The following CAMK2B variants were observed in gnomAD, a reference collection of about 807,000 sequenced individuals.
CAMK2B encodes the protein calcium/calmodulin dependent protein kinase II beta, also known as calcium/calmodulin-dependent protein kinase type II subunit beta.
CAMK2B carries 27 observed loss-of-function variants against 93.7 expected under a neutral mutation model. The ratio of observed to expected loss-of-function variants is 0.29; its 90% CI spans 0.21 to 0.40. CAMK2B has a LOEUF of 0.40. Among genes scored for constraint, CAMK2B ranks in the 10% least tolerant of loss-of-function variants. The probability of loss-of-function intolerance (pLI) is 1.00; values close to 1 mark genes in which losing one functional copy is unlikely to be tolerated. For synonymous variants in CAMK2B, 374 were observed against 358.8 expected (o/e 1.04, Z -0.48); for missense variants, 568 against 895.8 (o/e 0.63, Z 4.67).
At chr7:44,254,242 C>CA (rs2096810732) in intron 5 of CAMK2B, among the ~76,000 whole-genome samples, 1 of 152,228 alleles carries the variant, frequency 6.6e-6, no homozygotes, top group Admixed American at 6.5e-5. Context: ...CCTGAGGGTC[C>CA]ACGGGAAGCC....
At chr7:44,228,588 G>A (rs980951351) in intron 19 of CAMK2B, among the ~76,000 whole-genome samples, 4 of 152,108 alleles carry the variant, frequency 2.6e-5, no homozygotes, top group Non-Finnish European at 5.9e-5. Flanking sequence ...GAGCCGTGGA[G>A]GGGTCTGGGC....
At chr7:44,317,144 C>A (rs551911904) in intron 1 of CAMK2B, among the ~76,000 whole-genome samples, 1 of 151,392 alleles carries the variant, frequency 6.6e-6, no homozygotes, top group East Asian at 1.9e-4. Flanking sequence ...GGCAACCAGA[C>A]TTGCTGAATA....
chr7:44,309,684 C>T (rs1792954565), intron 1 of CAMK2B, among the ~76,000 whole-genome samples: 1 of 152,224 alleles, frequency 6.6e-6, no homozygotes, highest in Non-Finnish European at 1.5e-5. Flanking sequence ...AGCCTCCTCG[C>T]CCGGGCAGGA....
intron 12 of CAMK2B, among the ~76,000 whole-genome samples, chr7:44,240,299 G>A (rs1036818739): frequency 5.3e-5 from 8 of 152,162 alleles, no homozygotes; most frequent in East Asian, 3.9e-4. Flanking sequence ...GGAGGCCCCC[G>A]AGCCTCCCGC....
At chr7:44,278,432 A>T (rs1252985481) in intron 2 of CAMK2B, among the ~76,000 whole-genome samples, 1 of 152,102 alleles carries the variant, frequency 6.6e-6, no homozygotes. Flanking sequence ...CAGGACATTC[A>T]CCTGGAGGTG....
intron 1 of CAMK2B, among the ~76,000 whole-genome samples, chr7:44,285,915 C>T (rs1784964203): frequency 1.3e-5 from 2 of 151,312 alleles, no homozygotes; most frequent in Admixed American, 1.3e-4. Context: ...TCACTGTTCA[C>T]TCCGCATTCT....
At chr7:44,227,100 G>A (rs1427670651) in intron 19 of CAMK2B, among the ~76,000 whole-genome samples, 2 of 2,292 alleles carry the variant, frequency 8.7e-4, no homozygotes, top group African/African-American at 4.0e-3. Context: ...AGGGGACCAA[G>A]GTGGATGTGG....
At chr7:44,235,956 G>C (rs2096621750) in intron 13 of CAMK2B, among the ~76,000 whole-genome samples, 1 of 152,150 alleles carries the variant, frequency 6.6e-6, no homozygotes, top group Admixed American at 6.5e-5. Flanking sequence ...TAGGACTGCA[G>C]CGCTTCTCAA....
chr7:44,234,263 T>C (rs1345497220), intron 15 of CAMK2B, 127 bp downstream of exon 15: 1 of 773,938 alleles, frequency 1.3e-6, no homozygotes, highest in Non-Finnish European at 2.1e-6. Flanking sequence ...GCGGGGGCCA[T>C]GCGAGTGCTG....
At chr7:44,291,547 C>G (rs1009615733) in intron 1 of CAMK2B, among the ~76,000 whole-genome samples, 1 of 152,190 alleles carries the variant, frequency 6.6e-6, no homozygotes, top group Non-Finnish European at 1.5e-5. Context: ...CAGCCTGGGC[C>G]GGCATCCAAG....
chr7:44,231,543 G>A (rs957447590), intron 16 of CAMK2B, among the ~76,000 whole-genome samples: 11 of 152,360 alleles, frequency 7.2e-5, no homozygotes, highest in African/African-American at 2.6e-4. Context: ...CAATGGGACT[G>A]GCTGGTTCCA....
intron 1 of CAMK2B, among the ~76,000 whole-genome samples, chr7:44,303,801 T>A (rs1046797103): frequency 6.6e-5 from 10 of 152,114 alleles, no homozygotes; most frequent in Non-Finnish European, 1.5e-4. Context: ...CTTATGAGAA[T>A]TAAAAGGGAA....
At chr7:44,242,522 A>G in intron 9 of CAMK2B, 38 bp downstream of exon 9, 1 of 1,558,610 alleles carries the variant, frequency 6.4e-7, no homozygotes, top group East Asian at 2.3e-5. Context: ...CCACACCTGG[A>G]GGAAGGGAGC....
chr7:44,266,564 C>A (rs2096923205), intron 2 of CAMK2B, among the ~76,000 whole-genome samples: 1 of 152,228 alleles, frequency 6.6e-6, no homozygotes, highest in Non-Finnish European at 1.5e-5. Flanking sequence ...CAGCCTCATT[C>A]TGGGGGGTTC....
At chr7:44,284,440 C>T (rs998487021) in intron 1 of CAMK2B, among the ~76,000 whole-genome samples, 4 of 152,262 alleles carry the variant, frequency 2.6e-5, no homozygotes, top group Non-Finnish European at 2.9e-5. Context: ...GAACAGAGGC[C>T]GGCTTCCCGA....
At chr7:44,233,669 G>C (rs1159395044) in intron 15 of CAMK2B, among the ~76,000 whole-genome samples, 1 of 152,154 alleles carries the variant, frequency 6.6e-6, no homozygotes, top group Non-Finnish European at 1.5e-5. Flanking sequence ...ACATCCTTGG[G>C]AGTACTGCTA....
rs778115126 is a variant in CAMK2B, at chr7:44,220,815, C to T, written c.1673+11G>A. ...GTCCTGCACAGCCCCCCCCCAGCCC[C>T]AGGGACTCACGCGTAGGCCTCAAAG... On this transcript the variant is annotated intron_variant, in intron 21 of 23. Transcript: ENST00000395749. 7.0e-6 allele frequency: 11 copies of T among 1,563,504 alleles called. No individual in the cohort carries two copies. The South Asian group carries it at 1.3e-4, about 18-fold the overall frequency.
At chr7:44,244,918 G>C in intron 6 of CAMK2B, 1 of 455,926 alleles carries the variant, frequency 2.2e-6, no homozygotes, top group Non-Finnish European at 4.4e-6. Context: ...GCCTGCTGGG[G>C]CACACGCATC....
chr7:44,323,261 C>T (rs1392316238), intron 1 of CAMK2B, among the ~76,000 whole-genome samples: 1 of 152,264 alleles, frequency 6.6e-6, no homozygotes, highest in Non-Finnish European at 1.5e-5. Context: ...CTCCTCTTGT[C>T]CCAGGTCATG....
Sources: allele counts gnomAD v4.1 joint callset (sites outside exome capture counted in the v4.1 genomes callset), GRCh38; gene constraint gnomAD v4.1.1; transcripts MANE v1.5; gene names NCBI Gene and HGNC (gene_info 2026-07-23, HGNC 2026-07-21).